FRAS1: variants seen among roughly 807,000 people sequenced by gnomAD.
FRAS1 encodes the protein extracellular matrix organizing protein FRAS1.
Under a neutral mutation model 435.2 loss-of-function variants are expected in FRAS1, and 290 were observed. The ratio of observed to expected loss-of-function variants is 0.67; its 90% confidence interval spans 0.61 to 0.73. FRAS1 has a LOEUF of 0.73. Ranked by LOEUF, FRAS1 falls within the 30% of genes least tolerant of loss-of-function variation. The pLI is 0.00. For synonymous variants in FRAS1, 1,800 were observed against 1,851.0 expected, an observed-to-expected ratio of 0.97 and a Z score of 0.71; for missense variants, 4,860 against 5,001.5, an observed-to-expected ratio of 0.97 and a Z score of 0.85.
chr4:78,068,804 T>G, intron 2 of FRAS1: 1 of 347,768 alleles, frequency 2.9e-6, no homozygotes. Flanking sequence ...TGTAACCACT[T>G]TAAGTTCTCT....
chr4:78,432,312 T>C, intron 37 of FRAS1, 45 bp from the exon 38 acceptor site: 1 of 1,534,664 alleles, frequency 6.5e-7, no homozygotes, highest in South Asian at 1.3e-5. Context: ...TGAAAAGCAT[T>C]ATTCCCAGAA....
At chr4:78,205,926 T>C (rs993740201) in intron 2 of FRAS1, among the ~76,000 whole-genome samples, 1 of 152,026 alleles carries the variant, frequency 6.6e-6, no homozygotes, top group African/African-American at 2.4e-5. Context: ...AAAGGGTCTG[T>C]TGGGTTCTTG....
intron 2 of FRAS1, among the ~76,000 whole-genome samples, chr4:78,084,710 C>T (rs1035197717): frequency 8.6e-5 from 13 of 151,994 alleles, no homozygotes; most frequent in African/African-American, 3.1e-4. Context: ...TGCTCTAGTC[C>T]TAGGTTCAGC....
At chr4:78,520,606 C>T (rs1721356733) in intron 67 of FRAS1, among the ~76,000 whole-genome samples, 1 of 142,494 alleles carries the variant, frequency 7.0e-6, no homozygotes, top group African/African-American at 2.5e-5. Flanking sequence ...TAAATCATCT[C>T]TAGATTATTT....
At chr4:78,357,098 T>A (rs1730886306) in intron 20 of FRAS1, among the ~76,000 whole-genome samples, 1 of 152,164 alleles carries the variant, frequency 6.6e-6, no homozygotes, top group Non-Finnish European at 1.5e-5. Flanking sequence ...AAGCTTTCCC[T>A]CCTCTTGGAA....
At chr4:78,100,563 G>A (rs1043117623) in intron 2 of FRAS1, among the ~76,000 whole-genome samples, 3 of 152,226 alleles carry the variant, frequency 2.0e-5, no homozygotes, top group African/African-American at 7.2e-5. Context: ...GGCAGGGACA[G>A]CTTCATAAGT....
intron 27 of FRAS1, among the ~76,000 whole-genome samples, chr4:78,382,479 T>TAA (rs1309705612): frequency 1.3e-5 from 2 of 152,142 alleles, no homozygotes; most frequent in South Asian, 2.1e-4. Flanking sequence ...AAATCATTTT[T>TAA]AAAAAACTAT....
At chr4:78,080,808 T>C (rs1412011485) in intron 2 of FRAS1, among the ~76,000 whole-genome samples, 1 of 149,256 alleles carries the variant, frequency 6.7e-6, no homozygotes, top group African/African-American at 2.6e-5. Context: ...GTGGCAAGAC[T>C]ATTTTTGTTT....
chr4:78,167,993 C>T (rs190612706), intron 2 of FRAS1, among the ~76,000 whole-genome samples: 1 of 151,968 alleles, frequency 6.6e-6, no homozygotes, highest in Non-Finnish European at 1.5e-5. Context: ...TTCATTGAAG[C>T]AATTCTCCTA....
intron 22 of FRAS1, among the ~76,000 whole-genome samples, chr4:78,368,047 G>A (rs1287669458): frequency 6.6e-6 from 1 of 151,890 alleles, no homozygotes; most frequent in Non-Finnish European, 1.5e-5. Flanking sequence ...CTTACAACTA[G>A]TAGGTCTCAC....
At chr4:78,402,713 A>G (rs563386141) in intron 30 of FRAS1, among the ~76,000 whole-genome samples, 1 of 152,214 alleles carries the variant, frequency 6.6e-6, no homozygotes, top group Admixed American at 6.5e-5. Context: ...TTTCCCACCA[A>G]TGCCCTTTCT....
chr4:78,189,188 T>C (rs564311493), intron 2 of FRAS1, among the ~76,000 whole-genome samples: 1 of 152,232 alleles, frequency 6.6e-6, no homozygotes, highest in African/African-American at 2.4e-5. Flanking sequence ...TGTATGATTA[T>C]ATCATGTCTC....
At chr4:78,390,738 C>T (rs1296045112) in intron 29 of FRAS1, among the ~76,000 whole-genome samples, 1 of 152,198 alleles carries the variant, frequency 6.6e-6, no homozygotes, top group Non-Finnish European at 1.5e-5. Flanking sequence ...GATGCATTGT[C>T]AGACATGACT....
At chr4:78,190,354 T>C (rs1196027084) in intron 2 of FRAS1, among the ~76,000 whole-genome samples, 1 of 152,098 alleles carries the variant, frequency 6.6e-6, no homozygotes, top group African/African-American at 2.4e-5. Flanking sequence ...TCAGATCTCA[T>C]TGTAAAATCA....
At position 78,387,518 on chromosome 4, in the gene FRAS1, A is replaced by G. The variant is rs1732264197; in HGVS notation, c.3792A>G (p.Gln1264=). 6.2e-7 allele frequency: 1 copy of G among 1,613,758 alleles called. No homozygotes were observed. Among genetic ancestry groups the G allele is most frequent in the Non-Finnish European group, 8.5e-7 (1 of 1,179,818 alleles). The change falls in exon 29 of 74, where the codon CAA becomes CAG. Residue 1264 remains glutamine (Q), a synonymous_variant. Transcript: ENST00000512123. ...TAATCGATCCTCCACTTCATGGCCA[A>G]TTGCTTCAGACACTTCAGTCCCCGG... ...IEIIDPPLHG[Q]LLQTLQSPAT...
chr4:78,431,451 C>T (rs1734218189), intron 37 of FRAS1, among the ~76,000 whole-genome samples: 1 of 152,108 alleles, frequency 6.6e-6, no homozygotes, highest in South Asian at 2.1e-4. Context: ...CCACGAGCAC[C>T]AGTAAAATAC....
At chr4:78,179,169 T>C (rs1027398627) in intron 2 of FRAS1, among the ~76,000 whole-genome samples, 1 of 152,224 alleles carries the variant, frequency 6.6e-6, no homozygotes, top group African/African-American at 2.4e-5. Context: ...GGAAAACTTC[T>C]TGAGAATGCA....
chr4:78,488,839 C>G lies in FRAS1; in HGVS notation c.8753-36C>G, dbSNP rs764849960. ...ATGGCCACAGCTTCCCTGTCTTCCA[C>G]TAATGGTGCGTCTGTCTTTCTGTCT... On this transcript the variant is annotated intron_variant, in intron 58 of 73. Transcript: ENST00000512123. 3.8e-6 allele frequency: 6 copies of G among 1,586,588 alleles called. No homozygotes were observed. The South Asian group carries it at 5.7e-5, about 15-fold the overall frequency.
chr4:78,219,361 CTT>C (rs890627070), intron 2 of FRAS1, among the ~76,000 whole-genome samples: 7 of 151,960 alleles, frequency 4.6e-5, no homozygotes, highest in Non-Finnish European at 1.0e-4. Context: ...AATATTAAAA[CTT>C]TTTTAAGACA....
Sources: gnomAD v4.1 joint callset for allele counts (sites outside exome capture counted in the v4.1 genomes callset) on GRCh38, gnomAD v4.1.1 for gene constraint, MANE v1.5 for transcripts, NCBI Gene and HGNC (gene_info 2026-07-23, HGNC 2026-07-21) for gene names.